The following CHL1 variants were observed in gnomAD, a reference collection of about 807,000 sequenced individuals.
CHL1 encodes neural cell adhesion molecule L1-like protein.
In CHL1, 96 loss-of-function variants were observed where a neutral mutation model predicts 141.9. That is an observed-to-expected ratio of 0.68 (90% CI 0.57 to 0.80). The LOEUF (loss-of-function observed/expected upper bound fraction) is 0.80, where lower values mean the gene tolerates loss of function less well. Among genes scored for constraint, CHL1 ranks in the 30% least tolerant of loss-of-function variants. The pLI is 0.00. For missense variants in CHL1, 1,820 were observed against 1,457.2 expected (o/e 1.25, Z -4.05); for synonymous variants, 613 against 502.2 (o/e 1.22, Z -2.95).
chr3:228,344 C>A (rs187939939), intron 1 of CHL1, among the ~76,000 whole-genome samples: 220 of 152,164 alleles, frequency 1.4e-3, no homozygotes, highest in Non-Finnish European at 2.5e-3. Flanking sequence ...AAAGGCTTAC[C>A]CCAACCACCA....
intron 2 of CHL1, among the ~76,000 whole-genome samples, chr3:262,979 A>G (rs1356079977): frequency 6.6e-6 from 1 of 152,184 alleles, no homozygotes. Flanking sequence ...CTTCCTAATG[A>G]CCTTGTTTAG....
intron 2 of CHL1, among the ~76,000 whole-genome samples, chr3:246,402 C>T (rs1164067507): frequency 6.6e-6 from 1 of 151,976 alleles, no homozygotes; most frequent in Admixed American, 6.6e-5. Flanking sequence ...TTGATGAAAT[C>T]ATTATTTAAT....
chr3:366,684 C>CA (rs1167579521), intron 15 of CHL1, among the ~76,000 whole-genome samples: 6,331 of 86,146 alleles, frequency 0.073, 443 homozygotes, highest in African/African-American at 0.16. Context: ...TGGATGGTTG[C>CA]AAAAAAAAAA....
chr3:234,389 G>T (rs1350532223), intron 1 of CHL1, among the ~76,000 whole-genome samples: 1 of 151,994 alleles, frequency 6.6e-6, no homozygotes, highest in Non-Finnish European at 1.5e-5. Flanking sequence ...CTGGTGAAAG[G>T]GTGAAACTAC....
chr3:389,087 C>A (rs989319851), intron 19 of CHL1, among the ~76,000 whole-genome samples, 165 bp from the exon 20 acceptor site: 1 of 152,172 alleles, frequency 6.6e-6, no homozygotes. Context: ...CATATGATGA[C>A]AAAACTTTTT....
intron 15 of CHL1, 146 bp from the exon 16 acceptor site, chr3:377,672 G>T: frequency 1.6e-6 from 1 of 622,872 alleles, no homozygotes; most frequent in Non-Finnish European, 2.7e-6. Context: ...TTCAACTGTG[G>T]CATTCTCTAA....
At chr3:244,525 T>C (rs773205193) in intron 1 of CHL1, 88 bp from the exon 2 acceptor site, 3 of 152,128 alleles carry the variant, frequency 2.0e-5, no homozygotes, top group Non-Finnish European at 4.4e-5. Context: ...TTAAATCCAT[T>C]TTTTTAAACA....
chr3:232,400 T>C (rs567943517), intron 1 of CHL1, among the ~76,000 whole-genome samples: 1 of 152,324 alleles, frequency 6.6e-6, no homozygotes, highest in Admixed American at 6.5e-5. Context: ...TAGCATATTA[T>C]TATAGTAAAT....
At chr3:381,442 G>A (rs1041985030) in intron 16 of CHL1, among the ~76,000 whole-genome samples, 1 of 152,186 alleles carries the variant, frequency 6.6e-6, no homozygotes, top group Admixed American at 6.5e-5. Context: ...TCATGCTTAA[G>A]TCCCAACCTC....
rs182931882 is a variant in CHL1 at position 304,764 on chromosome 3, A to G, written c.-94-14919A>G. ...CTTCAGTTCTGCTCTGATCTTAGCTATTTCATGTCTTTTGCTAGCTTTTGA... is the reference window on the plus strand; with the variant it reads ...CTTCAGTTCTGCTCTGATCTTAGCTGTTTCATGTCTTTTGCTAGCTTTTGA... On this transcript the variant is annotated intron_variant, in intron 2 of 27. Coordinates refer to ENST00000256509, the MANE Select transcript of CHL1 (RefSeq NM_006614.4). 1.1e-4 allele frequency among the ~76,000 whole-genome samples: 17 copies of G among 151,754 alleles called. No homozygotes were observed. In the East Asian group the frequency reaches 3.3e-3, roughly 29 times the overall value.
chr3:244,066 GT>G (rs1427312835), intron 1 of CHL1, among the ~76,000 whole-genome samples: 2 of 152,040 alleles, frequency 1.3e-5, no homozygotes, highest in Non-Finnish European at 2.9e-5. Context: ...ACATGTTGAT[GT>G]TTTAAGAGAT....
intron 1 of CHL1, among the ~76,000 whole-genome samples, chr3:242,308 A>G (rs1264107665): frequency 1.6e-5 from 2 of 125,178 alleles, no homozygotes; most frequent in African/African-American, 5.2e-5. Context: ...CTAATAATAC[A>G]GAGACTGGCT....
chr3:205,193 C>T (rs767328191), intron 1 of CHL1, among the ~76,000 whole-genome samples: 54 of 151,420 alleles, frequency 3.6e-4, no homozygotes, highest in Non-Finnish European at 7.1e-4. Flanking sequence ...TCACTGCAAC[C>T]TCGAACTCCT....
intron 15 of CHL1, among the ~76,000 whole-genome samples, chr3:369,764 T>C (rs998738422): frequency 1.3e-5 from 2 of 152,228 alleles, no homozygotes; most frequent in African/African-American, 4.8e-5. Flanking sequence ...TATTTTGAGA[T>C]GTGTTCCATC....
chr3:214,784 CATGTT>C (rs1425912131), intron 1 of CHL1, among the ~76,000 whole-genome samples: 1 of 152,038 alleles, frequency 6.6e-6, no homozygotes, highest in Non-Finnish European at 1.5e-5. Context: ...AATAAGTCCT[CATGTT>C]ATGAGAGAGT....
At position 329,162 on chromosome 3, in the gene CHL1, CCT is replaced by C. The variant is rs149207133; in HGVS notation, c.385+809_385+810del. Among the ~76,000 whole-genome samples, 41 of 152,116 alleles carry C rather than the reference CCT, an allele frequency of 2.7e-4. 1 individual carries two copies. The East Asian group carries it at 7.2e-3, about 27-fold the overall frequency. ...CTTTTATATTTTATCACGTTTTCCC[CCT>C]GTTCTTAATATATCCACCATTACAC... On this transcript the variant is annotated intron_variant, in intron 5 of 27. Coordinates refer to ENST00000256509, the MANE Select transcript of CHL1 (RefSeq NM_006614.4).
chr3:392,506 G>T (rs539260671), intron 23 of CHL1, among the ~76,000 whole-genome samples: 1 of 152,212 alleles, frequency 6.6e-6, no homozygotes, highest in African/African-American at 2.4e-5. Context: ...TTTAATAGCA[G>T]CGCGTTCCCT....
At chr3:249,972 T>C (rs901225018) in intron 2 of CHL1, among the ~76,000 whole-genome samples, 1 of 151,770 alleles carries the variant, frequency 6.6e-6, no homozygotes, top group Non-Finnish European at 1.5e-5. Flanking sequence ...AAAAAAAGCA[T>C]ACTTTTTTTT....
chr3:210,294 C>T (rs780008077), intron 1 of CHL1, among the ~76,000 whole-genome samples: 2 of 152,230 alleles, frequency 1.3e-5, no homozygotes, highest in Non-Finnish European at 2.9e-5. Flanking sequence ...AAACAACAGA[C>T]ATTTTATGAA....
Sources: allele counts gnomAD v4.1 joint callset (sites outside exome capture counted in the v4.1 genomes callset), GRCh38; gene constraint gnomAD v4.1.1; transcripts MANE v1.5; gene names NCBI Gene and HGNC (gene_info 2026-07-23, HGNC 2026-07-21).